Variants in RGS7 observed in about 807,000 individuals in gnomAD.
RGS7 encodes the protein regulator of G-protein signaling 7.
Under a neutral mutation model 81.1 loss-of-function variants are expected in RGS7, and 27 were observed. That is an observed-to-expected ratio of 0.33 (90% CI 0.25 to 0.46). The LOEUF is 0.46. RGS7 is among the 20% of genes least tolerant of loss of function. The pLI is 1.00. For synonymous variants in RGS7, 208 were observed against 207.7 expected, an observed-to-expected ratio of 1.00 and a Z score of -0.01; for missense variants, 396 against 607.4, an observed-to-expected ratio of 0.65 and a Z score of 3.66.
At chr1:241,091,998 C>T (rs896766627) in intron 3 of RGS7, among the ~76,000 whole-genome samples, 10 of 152,024 alleles carry the variant, frequency 6.6e-5, no homozygotes, top group East Asian at 1.9e-4. Flanking sequence ...GCAATTATTC[C>T]GGTCATCAGG....
At chr1:241,055,918 A>C (rs2061455775) in intron 3 of RGS7, among the ~76,000 whole-genome samples, 1 of 152,250 alleles carries the variant, frequency 6.6e-6, no homozygotes, top group Admixed American at 6.5e-5. Flanking sequence ...TATGTGCTAG[A>C]AAACAAGAGG....
At chr1:240,784,368 C>T (rs1172472668) in intron 18 of RGS7, among the ~76,000 whole-genome samples, 2 of 151,428 alleles carry the variant, frequency 1.3e-5, no homozygotes, top group Non-Finnish European at 2.9e-5. Context: ...AGGCCGGGTA[C>T]GATGTCTCAC....
rs2077905830 is a variant in RGS7 at position 241,271,712 on chromosome 1, G to C, written c.78+83987C>G. Among the ~76,000 whole-genome samples, 1 of 152,196 alleles carries C rather than the reference G, an allele frequency of 6.6e-6. No homozygotes were observed. The highest frequency in any genetic ancestry group is 2.1e-4 in the South Asian group (1 of 4,832). ...AGAAGTAAGGATTCTCTCTCTGCTG[G>C]AGTGCTTGAGCTAGGACATTGGCCT... On this transcript the variant is annotated intron_variant, in intron 2 of 18. Coordinates refer to ENST00000440928, the MANE Select transcript of RGS7 (RefSeq NM_001364886.1). This position sits in a 1 kb window ranked among gnomAD's most constrained non-coding sequence, Gnocchi z 4.6.
At chr1:241,032,063 A>C (rs945535095) in intron 3 of RGS7, among the ~76,000 whole-genome samples, 4 of 152,236 alleles carry the variant, frequency 2.6e-5, no homozygotes, top group African/African-American at 9.6e-5. Flanking sequence ...GGCAATATCC[A>C]GAAGAGTTTT....
chr1:241,129,595 T>C (rs537828333), intron 2 of RGS7, among the ~76,000 whole-genome samples: 1 of 152,206 alleles, frequency 6.6e-6, no homozygotes. Context: ...GTATATTTTA[T>C]AAGCCAATAA....
intron 4 of RGS7, among the ~76,000 whole-genome samples, chr1:240,950,850 C>T (rs1003753014): frequency 6.6e-6 from 1 of 152,098 alleles, no homozygotes; most frequent in Non-Finnish European, 1.5e-5. Flanking sequence ...AAGTACTAAA[C>T]CATAAATTAG....
chr1:241,192,252 C>CGTGT lies in RGS7; in HGVS notation c.79-93494_79-93491dup, dbSNP rs56677676. Among the ~76,000 whole-genome samples the CGTGT allele has an allele frequency of 9.5e-3, 1,180 of 124,732 alleles. 11 individuals carry two copies. The highest frequency in any genetic ancestry group is 0.021 in the African/African-American group (644 of 31,110). The allele number at this position is 124,732 out of a possible 152,430, so 81.8% of individuals were successfully genotyped here. On this transcript the variant is annotated intron_variant, in intron 2 of 18. Coordinates refer to ENST00000440928, the MANE Select transcript of RGS7 (RefSeq NM_001364886.1). ...GGCTTGGTTTTATTTTCTGTCTGCA[C>CGTGT]GTGTGTGTGTGTGTGTGTGTGTGTG...
intron 3 of RGS7, among the ~76,000 whole-genome samples, chr1:241,035,033 G>A (rs1206789673): frequency 6.6e-6 from 1 of 152,094 alleles, no homozygotes; most frequent in Admixed American, 6.6e-5. Flanking sequence ...CACTGAACAG[G>A]AGAGATTGTG....
rs550879899 is a variant in RGS7, at chr1:240,927,619, A to C, written c.385+3098T>G. ...TGCACCTAAAAAGAAAAATCGTAGAAAATGAAGCATCATTGCCTGCAGGTA... is the reference window on the plus strand; with the variant it reads ...TGCACCTAAAAAGAAAAATCGTAGACAATGAAGCATCATTGCCTGCAGGTA... On this transcript the variant is annotated intron_variant, in intron 6 of 18. Coordinates refer to ENST00000440928, the MANE Select transcript of RGS7 (RefSeq NM_001364886.1). Among the ~76,000 whole-genome samples, 6 of 152,306 alleles carry C rather than the reference A, an allele frequency of 3.9e-5. No individual in the cohort carries two copies. The East Asian group carries it at 1.2e-3, about 29-fold the overall frequency.
intron 3 of RGS7, among the ~76,000 whole-genome samples, chr1:241,014,207 C>T (rs1044840363): frequency 4.6e-5 from 7 of 152,158 alleles, no homozygotes; most frequent in East Asian, 1.9e-4. Context: ...TCATTTTCTA[C>T]ATTTTATTGA....
chr1:241,259,636 G>A (rs2077210879), intron 2 of RGS7, among the ~76,000 whole-genome samples: 1 of 62,376 alleles, frequency 1.6e-5, no homozygotes. Flanking sequence ...GACAACAAGA[G>A]CGAAACTCCG....
intron 4 of RGS7, among the ~76,000 whole-genome samples, chr1:240,946,401 G>C (rs927593337): frequency 6.6e-6 from 1 of 152,040 alleles, no homozygotes; most frequent in Non-Finnish European, 1.5e-5. Flanking sequence ...CTAGGAGTTC[G>C]AGACCAGCCT....
chr1:241,207,160 G>C (rs913533499), intron 2 of RGS7, among the ~76,000 whole-genome samples: 3 of 150,616 alleles, frequency 2.0e-5, no homozygotes, highest in Non-Finnish European at 3.0e-5. Flanking sequence ...GTAGAGACGG[G>C]GTTTCACCGT....
At chr1:241,003,396 G>A (rs2058516187) in intron 3 of RGS7, among the ~76,000 whole-genome samples, 1 of 148,634 alleles carries the variant, frequency 6.7e-6, no homozygotes, top group Non-Finnish European at 1.5e-5. Flanking sequence ...AGGAGGCAGA[G>A]CTTGCAGTGA....
chr1:241,005,348 C>T (rs911192147), intron 3 of RGS7, among the ~76,000 whole-genome samples: 4 of 152,112 alleles, frequency 2.6e-5, no homozygotes, highest in Admixed American at 6.5e-5. Flanking sequence ...GTATGCACCA[C>T]GTCGATTAAG....
At chr1:241,220,982 G>GAGAGAGA (rs2074894260) in intron 2 of RGS7, among the ~76,000 whole-genome samples, 2 of 47,388 alleles carry the variant, frequency 4.2e-5, no homozygotes, top group Non-Finnish European at 9.1e-5. Flanking sequence ...AGGAAGGAAG[G>GAGAGAGA]AAGGAAGGAA....
chr1:240,902,844 A>C (rs1304082341), intron 6 of RGS7, among the ~76,000 whole-genome samples: 1 of 152,198 alleles, frequency 6.6e-6, no homozygotes, highest in African/African-American at 2.4e-5. Flanking sequence ...ATATCAAGCA[A>C]ATAATAGGAC....
chr1:240,973,148 C>T (rs1203500434), intron 4 of RGS7, among the ~76,000 whole-genome samples: 1 of 152,044 alleles, frequency 6.6e-6, no homozygotes, highest in African/African-American at 2.4e-5. Context: ...AAGTTTCTCT[C>T]CTGTTAATTT....
At chr1:241,169,557 C>G (rs1364253846) in intron 2 of RGS7, among the ~76,000 whole-genome samples, 1 of 151,866 alleles carries the variant, frequency 6.6e-6, no homozygotes, top group African/African-American at 2.4e-5. Context: ...CTTGGCCAGG[C>G]TGGTCTTGAA....
Sources: allele counts gnomAD v4.1 joint callset (sites outside exome capture counted in the v4.1 genomes callset), GRCh38; gene constraint gnomAD v4.1.1; non-coding constraint Gnocchi (gnomAD v3.1); transcripts MANE v1.5; gene names NCBI Gene and HGNC (gene_info 2026-07-23, HGNC 2026-07-21).